ACACA: variants seen among roughly 807,000 people sequenced by gnomAD.
ACACA encodes acetyl-CoA carboxylase 1.
A neutral mutation model predicts 296.1 loss-of-function variants in ACACA; 103 were observed. That is an observed-to-expected ratio of 0.35 (90% CI 0.30 to 0.41). The LOEUF (loss-of-function observed/expected upper bound fraction) is 0.41, where lower values mean the gene tolerates loss of function less well. Among genes scored for constraint, ACACA ranks in the 10% least tolerant of loss-of-function variants. ACACA has a pLI of 1.00. For synonymous variants in ACACA, 953 were observed against 1,038.6 expected (o/e 0.92, Z 1.58); for missense variants, 1,554 against 2,989.7 (o/e 0.52, Z 11.20).
chr17:37,321,974 T>G (rs2147130323), intron 3 of ACACA, among the ~76,000 whole-genome samples: 1 of 151,598 alleles, frequency 6.6e-6, no homozygotes, highest in South Asian at 2.1e-4. Flanking sequence ...ATGTGGTATC[T>G]AGGAGCTTAT....
At chr17:37,352,077 C>A (rs2048931006) in intron 1 of ACACA, among the ~76,000 whole-genome samples, 1 of 151,838 alleles carries the variant, frequency 6.6e-6, no homozygotes, top group South Asian at 2.1e-4. Flanking sequence ...ACTACAGGCG[C>A]CTGCCACCAC....
chr17:37,389,442 T>C, intron 1 of ACACA: 1 of 1,497,744 alleles, frequency 6.7e-7, no homozygotes, highest in Non-Finnish European at 8.9e-7. Flanking sequence ...CACACCTCTA[T>C]TCCCAGCACT....
At chr17:37,103,857 CG>C (rs937267318) in intron 52 of ACACA, among the ~76,000 whole-genome samples, 67 of 152,118 alleles carry the variant, frequency 4.4e-4, no homozygotes, top group African/African-American at 1.4e-3. Flanking sequence ...GGCAACAGAG[CG>C]AGACCCTGTC....
intron 45 of ACACA, among the ~76,000 whole-genome samples, chr17:37,140,295 T>A (rs1400758134): frequency 4.6e-5 from 7 of 152,180 alleles, no homozygotes; most frequent in South Asian, 2.1e-4. Context: ...TTAAAAAAAA[T>A]TTTAAATCAT....
intron 2 of ACACA, 128 bp downstream of exon 2, chr17:37,339,676 C>T (rs1245283897): frequency 3.0e-6 from 2 of 657,504 alleles, no homozygotes; most frequent in Non-Finnish European, 5.4e-6. Flanking sequence ...TTCAGGTTAT[C>T]CACCCTAAAT....
intron 4 of ACACA, among the ~76,000 whole-genome samples, chr17:37,283,814 G>A (rs995472025): frequency 1.3e-5 from 2 of 152,198 alleles, no homozygotes; most frequent in African/African-American, 4.8e-5. Flanking sequence ...ATGAGGTACA[G>A]AGCACTGAAC....
At chr17:37,334,475 T>C (rs192941827) in intron 2 of ACACA, among the ~76,000 whole-genome samples, 1 of 152,194 alleles carries the variant, frequency 6.6e-6, no homozygotes, top group East Asian at 1.9e-4. Flanking sequence ...AGCCATTTTA[T>C]CTACCCTAAC....
intron 50 of ACACA, among the ~76,000 whole-genome samples, chr17:37,115,804 AC>A (rs2074220011): frequency 6.6e-6 from 1 of 152,204 alleles, no homozygotes; most frequent in Non-Finnish European, 1.5e-5. Flanking sequence ...CTTATTGTGT[AC>A]CAGGGAACAT....
chr17:37,229,579 A>C (rs988653117), intron 25 of ACACA, among the ~76,000 whole-genome samples: 3 of 151,750 alleles, frequency 2.0e-5, no homozygotes, highest in African/African-American at 4.8e-5. Context: ...CTGGGATTAC[A>C]GGTGTGAGCC....
chr17:37,291,395 C>T (rs1044163558), intron 3 of ACACA, among the ~76,000 whole-genome samples: 2 of 151,970 alleles, frequency 1.3e-5, no homozygotes, highest in African/African-American at 4.8e-5. Flanking sequence ...AGGCTGGTCT[C>T]GAGCTCCCAA....
chr17:37,231,218 T>TA lies in ACACA; in HGVS notation c.3246+3756dup, dbSNP rs777551834. 4.4e-3 allele frequency among the ~76,000 whole-genome samples: 565 copies of TA among 127,788 alleles called. 2 individuals carry two copies. The highest frequency in any genetic ancestry group is 9.1e-3 in the African/African-American group (317 of 34,904). The allele number at this position is 127,788 out of a possible 152,430, so 83.8% of individuals were successfully genotyped here. A position where few individuals can be genotyped will look rare whatever the true frequency, so the allele number is the denominator to read the frequency against. Reference sequence around the variant, plus strand: ...ACACAGTGAGACCACATCTTTAATTTAAAAAAAAAAAAAAAAAGCATAGCC... The same window carrying TA: ...ACACAGTGAGACCACATCTTTAATTTAAAAAAAAAAAAAAAAAAGCATAGCC... On this transcript the variant is annotated intron_variant, in intron 25 of 55. Transcript: ENST00000616317.
chr17:37,205,111 T>G (rs2078437530), intron 33 of ACACA, among the ~76,000 whole-genome samples: 1 of 152,128 alleles, frequency 6.6e-6, no homozygotes, highest in African/African-American at 2.4e-5. Flanking sequence ...CTAACAGACC[T>G]TGGTGACTGA....
chr17:37,146,081 T>TA (rs887893681), intron 45 of ACACA, among the ~76,000 whole-genome samples: 2 of 151,740 alleles, frequency 1.3e-5, no homozygotes, highest in Admixed American at 6.6e-5. Flanking sequence ...CCACCAAAAG[T>TA]AAAAAAACAG....
chr17:37,279,077 C>T (rs2082391980), intron 5 of ACACA, among the ~76,000 whole-genome samples: 1 of 151,878 alleles, frequency 6.6e-6, no homozygotes, highest in Non-Finnish European at 1.5e-5. Context: ...TTAAAAAAAA[C>T]CTCAACATCA....
intron 1 of ACACA, among the ~76,000 whole-genome samples, chr17:37,402,763 C>T (rs937675340): frequency 3.9e-5 from 6 of 152,114 alleles, no homozygotes; most frequent in African/African-American, 1.4e-4. Flanking sequence ...AGCTCCACCT[C>T]CCAGGTTCAC....
At chr17:37,388,383 G>A (rs180890825) in intron 1 of ACACA, among the ~76,000 whole-genome samples, 239 of 152,158 alleles carry the variant, frequency 1.6e-3, no homozygotes, top group African/African-American at 5.5e-3. Flanking sequence ...TTCTTCCTGC[G>A]AGCAGTGTAA....
At chr17:37,300,950 G>A (rs1209780066) in intron 3 of ACACA, among the ~76,000 whole-genome samples, 3 of 152,156 alleles carry the variant, frequency 2.0e-5, no homozygotes, top group Non-Finnish European at 4.4e-5. Flanking sequence ...GAGCACTGCA[G>A]CCTTTGTTCA....
At chr17:37,349,253 GT>G (rs2048777380) in intron 1 of ACACA, among the ~76,000 whole-genome samples, 1 of 150,348 alleles carries the variant, frequency 6.7e-6, no homozygotes, top group African/African-American at 2.4e-5. Flanking sequence ...TAGAGATGAG[GT>G]TTTGCCACAT....
At chr17:37,132,425 T>C (rs978238892) in intron 45 of ACACA, among the ~76,000 whole-genome samples, 1 of 152,226 alleles carries the variant, frequency 6.6e-6, no homozygotes, top group African/African-American at 2.4e-5. Flanking sequence ...GATCTGGCTC[T>C]GGTTTTATGG....
Sources: allele counts gnomAD v4.1 joint callset (sites outside exome capture counted in the v4.1 genomes callset), GRCh38; gene constraint gnomAD v4.1.1; transcripts MANE v1.5; gene names NCBI Gene and HGNC (gene_info 2026-07-23, HGNC 2026-07-21).